PNPLA5: variants seen among roughly 807,000 people sequenced by gnomAD.
PNPLA5 encodes patatin-like phospholipase domain-containing protein 5.
A neutral mutation model predicts 49.1 loss-of-function variants in PNPLA5; 44 were observed. That is an observed-to-expected ratio of 0.90 (90% CI 0.70 to 1.15). The LOEUF (loss-of-function observed/expected upper bound fraction) is 1.15. Among genes scored for constraint, PNPLA5 ranks in the 50% most tolerant of loss-of-function variants. The pLI, the probability that PNPLA5 is intolerant of heterozygous loss-of-function variation, is 0.00. For synonymous variants in PNPLA5, 243 were observed against 244.4 expected, an observed-to-expected ratio of 0.99 and a Z score of 0.06; for missense variants, 603 against 564.0, an observed-to-expected ratio of 1.07 and a Z score of -0.70.
rs2049701330 is a variant in PNPLA5 at position 43,889,552 on chromosome 22, G to A, written c.493-14C>T. 3.1e-6 allele frequency: 5 copies of A among 1,589,112 alleles called. No individual in the cohort carries two copies. Among genetic ancestry groups the A allele is most frequent in the Non-Finnish European group, 4.3e-6 (5 of 1,165,556 alleles). On this transcript the variant is annotated splice_polypyrimidine_tract_variant and intron_variant, in intron 3 of 8. Coordinates refer to ENST00000216177, the MANE Select transcript of PNPLA5 (RefSeq NM_138814.4). The stretch of plus-strand genomic sequence containing the variant: ...ATCGATGTAGCGCTGCAATTTGTGG[G>A]GAGCAGGTGGGTGGTGCTGCCCTCT...
rs753664845 is a variant in PNPLA5, at chr22:43,889,393, C to T, written c.638G>A (p.Ser213Asn). The T allele has an allele frequency of 4.3e-6, 7 of 1,614,020 alleles. No individual in the cohort carries two copies. In the South Asian group the frequency reaches 4.4e-5, roughly 10 times the overall value. The change falls in exon 4 of 9, where the codon AGC becomes AAC. Residue 213 changes from serine (S) to asparagine (N), a missense_variant. By Grantham distance (46) the Ser-to-Asn change is conservative. Coordinates refer to ENST00000216177, the MANE Select transcript of PNPLA5 (RefSeq NM_138814.4). ...GAAGTTCTCAGTGGAGATTTGGAAGCTGAAGTTGAAGACGTTCAGCTCATG... is the reference window on the plus strand; with the variant it reads ...GAAGTTCTCAGTGGAGATTTGGAAGTTGAAGTTGAAGACGTTCAGCTCATG... ...NLHELNVFNF[S>N]FQISTENFFL...
chr22:43,887,274 C>T (rs575345020), intron 5 of PNPLA5, among the ~76,000 whole-genome samples: 5 of 152,268 alleles, frequency 3.3e-5, no homozygotes, highest in African/African-American at 9.6e-5. Context: ...CCTTGCCTAC[C>T]CCCAACCCCC....
At chr22:43,891,332 A>G in intron 1 of PNPLA5, 38 bp from the exon 2 acceptor site, 1 of 1,524,634 alleles carries the variant, frequency 6.6e-7, no homozygotes. Flanking sequence ...CTCAGCGCCC[A>G]GGGATCCTGC....
In PNPLA5 at chr22:43,881,576, T is replaced by C; in HGVS notation, c.1181A>G (p.Gln394Arg). ...ACCTCACCTGATGGGCCCAAGGAGC[T>C]GGGCCTTGGTCCTGGAGAAAACCTC... is the stretch of plus-strand genomic sequence containing the variant. ...ALEVFSRTKA[Q>R]LLGPISPPAT... The change falls in exon 8 of 9, where the codon CAG becomes CGG. Residue 394 changes from glutamine (Q) to arginine (R), a missense_variant. Physicochemically the swap from Gln to Arg is conservative, Grantham distance 43. Transcript: ENST00000216177. 6.2e-7 allele frequency: 1 copy of C among 1,602,456 alleles called. No individual in the cohort carries two copies. Among genetic ancestry groups the C allele is most frequent in the African/African-American group, 1.3e-5 (1 of 74,674 alleles).
At chr22:43,888,881 C>T (rs1603412868) in intron 4 of PNPLA5, among the ~76,000 whole-genome samples, 1 of 152,210 alleles carries the variant, frequency 6.6e-6, no homozygotes, top group East Asian at 1.9e-4. Context: ...GGACGGTGGT[C>T]AAGAGCATGG....
At chr22:43,883,431 C>G (rs1298561646) in intron 7 of PNPLA5, among the ~76,000 whole-genome samples, 2 of 152,262 alleles carry the variant, frequency 1.3e-5, no homozygotes, top group African/African-American at 4.8e-5. Flanking sequence ...GAATGAACAA[C>G]TGATGCAGAC....
In PNPLA5 at chr22:43,891,113, G is replaced by C. The variant is rs769702687; in HGVS notation, c.375C>G (p.Asp125Glu). 3.1e-6 allele frequency: 5 copies of C among 1,610,210 alleles called. No individual in the cohort carries two copies. Among genetic ancestry groups the C allele is most frequent in the Non-Finnish European group, 4.2e-6 (5 of 1,178,206 alleles). The change falls in exon 2 of 9, where the codon GAC (aspartate) becomes GAG (glutamate). Residue 125 changes from aspartate (D) to glutamate (E), a missense_variant. Physicochemically the swap from Asp to Glu is conservative, Grantham distance 45. Coordinates refer to ENST00000216177, the MANE Select transcript of PNPLA5 (RefSeq NM_138814.4). ...AGTCAGTGACCAAGAAGTTGCGTCC[G>C]TCAGGCCAGCGGGTCAGCGAAATGC... Reference protein sequence around the residue: ...RLGISLTRWPDGRNFLVTDFA... With the variant: ...RLGISLTRWPEGRNFLVTDFA...
At chr22:43,881,386 C>T (rs1340883811) in intron 8 of PNPLA5, among the ~76,000 whole-genome samples, 172 bp downstream of exon 8, 1 of 152,210 alleles carries the variant, frequency 6.6e-6, no homozygotes, top group Admixed American at 6.5e-5. Flanking sequence ...GTCGGGCGCA[C>T]AGCAGTGACC....
chr22:43,884,935 T>C (rs2049646841), intron 6 of PNPLA5, among the ~76,000 whole-genome samples: 1 of 152,130 alleles, frequency 6.6e-6, no homozygotes, highest in African/African-American at 2.4e-5. Flanking sequence ...CACTGCCCTC[T>C]GGAGACGGAG....
chr22:43,889,739 C>G, intron 3 of PNPLA5, 60 bp downstream of exon 3: 10 of 1,577,386 alleles, frequency 6.3e-6, no homozygotes, highest in Non-Finnish European at 8.6e-6. Context: ...CCAAGCACCT[C>G]TCCACGGTGT....
chr22:43,889,476 CGTGATGGT>C lies in PNPLA5; in HGVS notation c.547_554del (p.Thr183GlyfsTer21). On this transcript the variant is annotated frameshift_variant, in exon 4 of 9. Transcript: ENST00000216177. LOFTEE classifies it high-confidence loss of function. Reference sequence around the variant, plus strand: ...CCACTGTCCCATGGAAGGGCGACACCGTGATGGTGGAGGGGCAGTCTGCAAAGGGCAAG... The same window carrying C: ...CCACTGTCCCATGGAAGGGCGACACCGGAGGGGCAGTCTGCAAAGGGCAAG... 2 of 1,614,050 alleles carry C rather than the reference CGTGATGGT, an allele frequency of 1.2e-6. No individual in the cohort carries two copies. Among genetic ancestry groups the C allele is most frequent in the Non-Finnish European group, 1.7e-6 (2 of 1,179,974 alleles).
chr22:43,889,299 C>T, intron 4 of PNPLA5, 30 bp downstream of exon 4: 3 of 1,610,990 alleles, frequency 1.9e-6, no homozygotes, highest in Non-Finnish European at 1.7e-6. Context: ...CTTGGCCAAG[C>T]CTCTAACACC....
At chr22:43,888,837 C>T (rs1034128761) in intron 4 of PNPLA5, among the ~76,000 whole-genome samples, 5 of 152,150 alleles carry the variant, frequency 3.3e-5, no homozygotes, top group Non-Finnish European at 7.3e-5. Flanking sequence ...TGTGCCTTGC[C>T]TCTACAATGG....
Position 43,884,269 on chromosome 22 carries a change from C to A in PNPLA5, c.1026G>T (p.Thr342=). 1 of 1,598,144 alleles carries A rather than the reference C, an allele frequency of 6.3e-7. No homozygotes were observed. Among genetic ancestry groups the A allele is most frequent in the South Asian group, 1.1e-5 (1 of 89,224 alleles). Residue 342 remains threonine (T), a synonymous_variant, in exon 7 of 9, where the codon ACG becomes ACT. Transcript: ENST00000216177. ...FWHSGPGQVL[T]YLLLPCTLPF... ...GCAGTGTGCAGGGTAGCAGCAGGTACGTCAGCACCTGTCCAGGCCCCGAGT... is the reference window on the plus strand; with the variant it reads ...GCAGTGTGCAGGGTAGCAGCAGGTAAGTCAGCACCTGTCCAGGCCCCGAGT...
At chr22:43,887,505 C>A (rs762065905) in intron 5 of PNPLA5, 86 bp downstream of exon 5, 144 of 1,481,136 alleles carry the variant, frequency 9.7e-5, no homozygotes, top group Non-Finnish European at 1.3e-4. Flanking sequence ...TAGCCCATGT[C>A]CCTAGCAGCT....
intron 4 of PNPLA5, 149 bp from the exon 5 acceptor site, chr22:43,887,800 G>A (rs60516692): frequency 5.3e-6 from 3 of 567,342 alleles, no homozygotes; most frequent in Non-Finnish European, 6.7e-6. Context: ...CTCAGGGCAG[G>A]AGCCTGGGCA....
rs753350188 is a variant in PNPLA5 at position 43,891,170 on chromosome 22, G to A, written c.318C>T (p.Pro106=). The stretch of plus-strand genomic sequence containing the variant: ...GCTGGGAGGCCAGGACGTGGGCGTC[G>A]GGGGGCAGAGCATCCTGCAGCTGCT... The part of the protein sequence containing the change: ...VKQQLQDALP[P]DAHVLASQRL... The change falls in exon 2 of 9, where the codon CCC becomes CCT. Residue 106 remains proline, a synonymous_variant. Coordinates refer to ENST00000216177, the MANE Select transcript of PNPLA5 (RefSeq NM_138814.4). 1.6e-5 allele frequency: 26 copies of A among 1,597,848 alleles called. No individual in the cohort carries two copies. In the South Asian group the frequency reaches 2.6e-4, roughly 16 times the overall value.
At position 43,881,625 on chromosome 22, in the gene PNPLA5, C is replaced by A. The variant is rs1340021555; in HGVS notation, c.1132G>T (p.Gly378Cys). Reference sequence around the variant, plus strand: ...TCGAGGGCCATGTTCCTCAGCAGGCCCTGCATCCACCACAAGTCCGCCGGC... The same window carrying A: ...TCGAGGGCCATGTTCCTCAGCAGGCACTGCATCCACCACAAGTCCGCCGGC... Reference protein sequence around the residue: ...DVPADLWWMQGLLRNMALEVF... With the variant: ...DVPADLWWMQCLLRNMALEVF... The change falls in exon 8 of 9, where the codon GGC (glycine) becomes TGC (cysteine). Residue 378 changes from glycine (G) to cysteine (C), a missense_variant. Transcript: ENST00000216177. The A allele has an allele frequency of 6.2e-7, 1 of 1,613,490 alleles. No homozygotes were observed. Among genetic ancestry groups the A allele is most frequent in the Non-Finnish European group, 8.5e-7 (1 of 1,179,846 alleles).
At position 43,889,745 on chromosome 22, in the gene PNPLA5, G is replaced by A. The variant is rs1173975472; in HGVS notation, c.492+54C>T. ...TTCCTCCACCCAAGCACCTCTCCACGGTGTGCACCCCAGGCTGCCCAGAGC... is the reference window on the plus strand; with the variant it reads ...TTCCTCCACCCAAGCACCTCTCCACAGTGTGCACCCCAGGCTGCCCAGAGC... On this transcript the variant is annotated intron_variant, in intron 3 of 8. Coordinates refer to ENST00000216177, the MANE Select transcript of PNPLA5 (RefSeq NM_138814.4). 11 of 1,582,856 alleles carry A rather than the reference G, an allele frequency of 6.9e-6. No homozygotes were observed. In the South Asian group the frequency reaches 8.1e-5, roughly 12 times the overall value.
Sources: allele counts gnomAD v4.1 joint callset (sites outside exome capture counted in the v4.1 genomes callset), GRCh38; gene constraint gnomAD v4.1.1; transcripts MANE v1.5; gene names NCBI Gene and HGNC (gene_info 2026-07-23, HGNC 2026-07-21).